Variants in RMND5A observed in about 807,000 individuals in gnomAD.
RMND5A encodes the protein E3 ubiquitin-protein transferase RMND5A.
In RMND5A, 17 loss-of-function variants were observed where a neutral mutation model predicts 49.7. That is an observed-to-expected ratio of 0.34 (90% CI 0.23 to 0.51). The LOEUF is 0.51. RMND5A is among the 20% of genes least tolerant of loss of function. RMND5A has a pLI of 0.96. For synonymous variants in RMND5A, 156 were observed against 167.7 expected, an observed-to-expected ratio of 0.93 and a Z score of 0.54; for missense variants, 255 against 471.3, an observed-to-expected ratio of 0.54 and a Z score of 4.25.
At chr2:86,773,279 A>G (rs1045913111) in intron 8 of RMND5A, 69 bp from the exon 9 acceptor site, 3 of 816,796 alleles carry the variant, frequency 3.7e-6, no homozygotes, top group South Asian at 1.6e-5. Context: ...ATACTCTATA[A>G]CTAGATAAAA....
In RMND5A at chr2:86,776,707, G is replaced by C. The variant is rs1029587988; in HGVS notation, c.*3296G>C. On this transcript the variant is annotated 3_prime_UTR_variant, in exon 9 of 9. Transcript: ENST00000283632. The stretch of plus-strand genomic sequence containing the variant: ...TCTGATAAAGTGGACTGAGAGCCAC[G>C]CTGCTCAGTCTGTTTCGTCAGCCGA... The C allele has an allele frequency of 9.2e-5, 14 of 152,210 alleles. No individual in the cohort carries two copies. The highest frequency in any genetic ancestry group is 3.4e-4 in the African/African-American group (14 of 41,452). 9.4% of individuals were successfully genotyped at this position (152,210 alleles called of 1,614,324 possible). A position where few individuals can be genotyped will look rare whatever the true frequency, so the allele number is the denominator to read the frequency against.
At chr2:86,757,631 A>G (rs548572198) in intron 4 of RMND5A, among the ~76,000 whole-genome samples, 1 of 152,194 alleles carries the variant, frequency 6.6e-6, no homozygotes, top group African/African-American at 2.4e-5. Context: ...CATTATTAAC[A>G]TACATATTGA....
At chr2:86,768,939 T>A (rs1323432703) in intron 6 of RMND5A, among the ~76,000 whole-genome samples, 3 of 152,230 alleles carry the variant, frequency 2.0e-5, no homozygotes, top group Non-Finnish European at 4.4e-5. Flanking sequence ...AAGATTATTA[T>A]GAAATTCTTT....
At chr2:86,760,369 G>A (rs1037051712) in intron 4 of RMND5A, among the ~76,000 whole-genome samples, 3 of 152,138 alleles carry the variant, frequency 2.0e-5, no homozygotes, top group Admixed American at 2.0e-4. Flanking sequence ...GAACCTATGG[G>A]CAGTCTTTGC....
At chr2:86,759,463 C>T (rs1302375748) in intron 4 of RMND5A, among the ~76,000 whole-genome samples, 1 of 151,984 alleles carries the variant, frequency 6.6e-6, no homozygotes, top group East Asian at 1.9e-4. Flanking sequence ...CACTGTTGAT[C>T]TTACTGTCAT....
rs561600439 is a variant in RMND5A, at chr2:86,758,733, C to CAGTGA, written c.521+5179_521+5180insAAGTG. Among the ~76,000 whole-genome samples the CAGTGA allele has an allele frequency of 5.2e-4, 79 of 152,310 alleles. No individual in the cohort carries two copies. In the South Asian group the frequency reaches 0.016, roughly 30 times the overall value. ...ATGAGTTTAATGGTAGTAGTTCCAG[C>CAGTGA]AGTGGACTCAGCCCATAGCTGAAAA... On this transcript the variant is annotated intron_variant, in intron 4 of 8. Transcript: ENST00000283632.
chr2:86,769,424 G>A (rs915442516), intron 6 of RMND5A, among the ~76,000 whole-genome samples: 5 of 152,190 alleles, frequency 3.3e-5, no homozygotes, highest in African/African-American at 1.2e-4. Flanking sequence ...GGTCTGTAAG[G>A]AAGGGAATAG....
At chr2:86,752,562 T>C (rs1330562430) in intron 3 of RMND5A, among the ~76,000 whole-genome samples, 1 of 152,244 alleles carries the variant, frequency 6.6e-6, no homozygotes, top group African/African-American at 2.4e-5. Flanking sequence ...ATTGAGTGCT[T>C]ACCTTAAGCC....
At position 86,770,135 on chromosome 2, in the gene RMND5A, A is replaced by G. The variant is rs1558727727; in HGVS notation, c.957+10A>G. The G allele has an allele frequency of 6.4e-7, 1 of 1,563,286 alleles. No homozygotes were observed. The highest frequency in any genetic ancestry group is 8.8e-7 in the Non-Finnish European group (1 of 1,133,738). On this transcript the variant is annotated intron_variant, in intron 7 of 8. Coordinates refer to ENST00000283632, the MANE Select transcript of RMND5A (RefSeq NM_022780.4). ...GAAAGATGAATTACCTGTGAGTTCC[A>G]TTTTCTATTGGCTATTTACTTTTAC...
At chr2:86,767,916 G>A (rs561718781) in intron 6 of RMND5A, among the ~76,000 whole-genome samples, 1 of 152,224 alleles carries the variant, frequency 6.6e-6, no homozygotes, top group East Asian at 1.9e-4. Context: ...CCAGAAGAAC[G>A]TATCACAATA....
intron 2 of RMND5A, among the ~76,000 whole-genome samples, chr2:86,746,087 A>C (rs1201612319): frequency 6.6e-6 from 1 of 152,194 alleles, no homozygotes; most frequent in Non-Finnish European, 1.5e-5. Context: ...AAAAAATGAC[A>C]TATAGAATAT....
intron 2 of RMND5A, among the ~76,000 whole-genome samples, chr2:86,746,147 T>C (rs1681534730): frequency 6.6e-6 from 1 of 152,196 alleles, no homozygotes; most frequent in South Asian, 2.1e-4. Context: ...TATGTTGGTA[T>C]GTGATAAACA....
intron 2 of RMND5A, among the ~76,000 whole-genome samples, chr2:86,744,848 A>G (rs1410470635): frequency 6.6e-6 from 1 of 152,232 alleles, no homozygotes; most frequent in African/African-American, 2.4e-5. Context: ...GCTTGCTACC[A>G]TGCCCAGTTA....
At chr2:86,766,547 C>G (rs1672598069) in intron 6 of RMND5A, among the ~76,000 whole-genome samples, 1 of 151,560 alleles carries the variant, frequency 6.6e-6, no homozygotes, top group Non-Finnish European at 1.5e-5. Context: ...ACCTTTAATC[C>G]CAGCTAGTCG....
chr2:86,745,021 T>A (rs1681513929), intron 2 of RMND5A, among the ~76,000 whole-genome samples: 1 of 146,638 alleles, frequency 6.8e-6, no homozygotes, highest in Non-Finnish European at 1.5e-5. Context: ...TTTTTTTTTT[T>A]AGTAAAAATA....
chr2:86,754,951 G>GTATAAAT (rs1681705133), intron 4 of RMND5A, among the ~76,000 whole-genome samples: 1 of 152,028 alleles, frequency 6.6e-6, no homozygotes, highest in African/African-American at 2.4e-5. Flanking sequence ...TAAAATTCTT[G>GTATAAAT]TATAAATTAT....
intron 7 of RMND5A, 110 bp from the exon 8 acceptor site, chr2:86,771,448 C>A: frequency 2.3e-6 from 2 of 881,382 alleles, no homozygotes; most frequent in Non-Finnish European, 1.7e-6. Flanking sequence ...AAGTTACATT[C>A]AGGTGAATAG....
chr2:86,766,269 T>C (rs1672589451), intron 6 of RMND5A, among the ~76,000 whole-genome samples: 2 of 152,212 alleles, frequency 1.3e-5, no homozygotes, highest in Non-Finnish European at 2.9e-5. Flanking sequence ...TTAGTACAGA[T>C]GGTCCAGAAA....
chr2:86,756,174 T>C (rs1238019681), intron 4 of RMND5A, among the ~76,000 whole-genome samples: 1 of 152,048 alleles, frequency 6.6e-6, no homozygotes, highest in Non-Finnish European at 1.5e-5. Context: ...GGCAGATCGC[T>C]TGAGCCCAGG....
Sources: allele counts gnomAD v4.1 joint callset (sites outside exome capture counted in the v4.1 genomes callset), GRCh38; gene constraint gnomAD v4.1.1; transcripts MANE v1.5; gene names NCBI Gene and HGNC (gene_info 2026-07-23, HGNC 2026-07-21).